Variants in ADAMTS18 observed in about 807,000 individuals in gnomAD.
The protein encoded by ADAMTS18 is A disintegrin and metalloproteinase with thrombospondin motifs 18.
In ADAMTS18, 157 loss-of-function variants were observed where a neutral mutation model predicts 165.9. The ratio of observed to expected loss-of-function variants is 0.95; its 90% CI spans 0.83 to 1.08. The LOEUF (loss-of-function observed/expected upper bound fraction) is 1.08. ADAMTS18 is among the 50% of genes least tolerant of loss of function. The probability of loss-of-function intolerance (pLI) is 0.00; values close to 1 mark genes in which losing one functional copy is unlikely to be tolerated. For missense variants in ADAMTS18, 2,040 were observed against 1,534.0 expected (o/e 1.33, Z -5.51); for synonymous variants, 782 against 578.2 (o/e 1.35, Z -5.06).
intron 3 of ADAMTS18, among the ~76,000 whole-genome samples, chr16:77,415,165 T>C (rs746066474): frequency 6.6e-6 from 1 of 152,242 alleles, no homozygotes; most frequent in Non-Finnish European, 1.5e-5. Flanking sequence ...TCATGAAGTG[T>C]GTAGGCAAAT....
chr16:77,359,443 A>G lies in ADAMTS18; in HGVS notation c.1217-20T>C. The G allele has an allele frequency of 6.2e-7, 1 of 1,602,300 alleles. No individual in the cohort carries two copies. The highest frequency in any genetic ancestry group is 8.5e-7 in the Non-Finnish European group (1 of 1,171,594). On this transcript the variant is annotated intron_variant, in intron 7 of 22. Transcript: ENST00000282849. ...CAAACCCTATTGAAAGAGCAGTTTC[A>G]AATGTGAATCCAAAGGTTGCACACA...
In ADAMTS18 at chr16:77,356,365, A is replaced by C. The variant is rs1050541269; in HGVS notation, c.1323-288T>G. ...GAAAATTTTGCTCAAGTTAAAATTT[A>C]GGTATAAGCTAAGCCAAAGTGATGG... is the stretch of plus-strand genomic sequence containing the variant. On this transcript the variant is annotated intron_variant, in intron 8 of 22. Transcript: ENST00000282849. Among the ~76,000 whole-genome samples, 4 of 152,344 alleles carry C rather than the reference A, an allele frequency of 2.6e-5. No homozygotes were observed. In the South Asian group the frequency reaches 8.3e-4, roughly 32 times the overall value.
In ADAMTS18 at chr16:77,434,983, G is replaced by C. The variant is rs2057779915; in HGVS notation, c.-288C>G. 2 of 288,290 alleles carry C rather than the reference G, an allele frequency of 6.9e-6. No homozygotes were observed. Among genetic ancestry groups the C allele is most frequent in the Non-Finnish European group, 1.3e-5 (2 of 156,430 alleles). The allele number at this position is 288,290 out of a possible 1,614,324, so 17.9% of individuals were successfully genotyped here. On this transcript the variant is annotated 5_prime_UTR_variant, in exon 1 of 23. Coordinates refer to ENST00000282849, the MANE Select transcript of ADAMTS18 (RefSeq NM_199355.4). The stretch of plus-strand genomic sequence containing the variant: ...CTGGAGCGCAAACGGTTGGGAGACT[G>C]TCGGTGTCTGCCCGCCCGTCTGTGC...
chr16:77,307,880 C>T (rs140397468), intron 16 of ADAMTS18, among the ~76,000 whole-genome samples: 2 of 152,236 alleles, frequency 1.3e-5, no homozygotes, highest in East Asian at 1.9e-4. Flanking sequence ...CAAGGTAATA[C>T]TTCGTCAGTG....
At chr16:77,290,895 A>T in intron 21 of ADAMTS18, 1 of 350,534 alleles carries the variant, frequency 2.9e-6, no homozygotes, top group Non-Finnish European at 5.4e-6. Flanking sequence ...ATGATGTAAG[A>T]ACCAAATGAG....
rs183645297 is a variant in ADAMTS18 at position 77,313,403 on chromosome 16, C to G, written c.2532+6446G>C. On this transcript the variant is annotated intron_variant, in intron 16 of 22. Coordinates refer to ENST00000282849, the MANE Select transcript of ADAMTS18 (RefSeq NM_199355.4). ...GCACATGTATACATATGTAACAAAC[C>G]TGTACATTGTGCACATGTGCCCTAG... 2.2e-3 allele frequency among the ~76,000 whole-genome samples: 340 copies of G among 151,578 alleles called. 3 individuals carry two copies. The highest frequency in any genetic ancestry group is 7.7e-3 in the African/African-American group (317 of 41,306).
In ADAMTS18 at chr16:77,414,937, G is replaced by A. The variant is rs138280532; in HGVS notation, c.495+16358C>T. Among the ~76,000 whole-genome samples, 837 of 152,324 alleles carry A rather than the reference G, an allele frequency of 5.5e-3. 6 individuals carry two copies. Among genetic ancestry groups the A allele is most frequent in the African/African-American group, 0.019 (782 of 41,576 alleles). Reference sequence around the variant, plus strand: ...CTGTCTCCCTCCAACTGCTCAGACAGGCACATAATGTGCTCACTTGTATTT... The same window carrying A: ...CTGTCTCCCTCCAACTGCTCAGACAAGCACATAATGTGCTCACTTGTATTT... On this transcript the variant is annotated intron_variant, in intron 3 of 22. Transcript: ENST00000282849.
chr16:77,366,052 T>C (rs2056788606), intron 4 of ADAMTS18, among the ~76,000 whole-genome samples: 1 of 152,226 alleles, frequency 6.6e-6, no homozygotes, highest in African/African-American at 2.4e-5. Context: ...AATGGGGATA[T>C]TTCAATAATA....
intron 16 of ADAMTS18, among the ~76,000 whole-genome samples, chr16:77,308,259 T>C (rs2055716970): frequency 6.6e-6 from 1 of 152,198 alleles, no homozygotes; most frequent in South Asian, 2.1e-4. Context: ...ATTTCAGCCA[T>C]ACAATAGCAA....
chr16:77,395,106 C>T (rs1273842853), intron 3 of ADAMTS18, among the ~76,000 whole-genome samples: 2 of 152,208 alleles, frequency 1.3e-5, no homozygotes, highest in East Asian at 1.9e-4. Context: ...AGGAAGGATA[C>T]AGCAAGCTGC....
At chr16:77,394,706 G>C (rs1216191055) in intron 3 of ADAMTS18, among the ~76,000 whole-genome samples, 1 of 152,170 alleles carries the variant, frequency 6.6e-6, no homozygotes, top group Non-Finnish European at 1.5e-5. Flanking sequence ...TTTCAAGAAA[G>C]TATTTAGCAT....
intron 10 of ADAMTS18, among the ~76,000 whole-genome samples, chr16:77,344,149 G>A (rs1208421064): frequency 1.5e-5 from 2 of 129,966 alleles, no homozygotes; most frequent in African/African-American, 5.7e-5. Flanking sequence ...ATATGTATGT[G>A]TGTGTGTATA....
In ADAMTS18 at chr16:77,316,994, TC is replaced by T. The variant is rs764320969; in HGVS notation, c.2532+2854del. On this transcript the variant is annotated intron_variant, in intron 16 of 22. Coordinates refer to ENST00000282849, the MANE Select transcript of ADAMTS18 (RefSeq NM_199355.4). ...CATGGAGTTTTAAATTGTTGCTTCC[TC>T]CGCGTGAATTTCCTCTGCTCTTTAC... is the stretch of plus-strand genomic sequence containing the variant. Among the ~76,000 whole-genome samples, 16 of 152,130 alleles carry T rather than the reference TC, an allele frequency of 1.1e-4. 1 individual carries two copies. Among genetic ancestry groups the T allele is most frequent in the Non-Finnish European group, 1.9e-4 (13 of 68,016 alleles).
At chr16:77,366,531 C>A (rs1597178643) in intron 4 of ADAMTS18, among the ~76,000 whole-genome samples, 1 of 152,070 alleles carries the variant, frequency 6.6e-6, no homozygotes, top group Non-Finnish European at 1.5e-5. Context: ...TTCACTCCAG[C>A]CTGGGCGAAA....
chr16:77,285,399 C>T (rs2055229545), intron 22 of ADAMTS18, among the ~76,000 whole-genome samples: 1 of 151,198 alleles, frequency 6.6e-6, no homozygotes, highest in Non-Finnish European at 1.5e-5. Context: ...TCTCGAACTC[C>T]TGACCTCGGG....
In ADAMTS18 at chr16:77,282,904, CTCTTTTTTTTT is replaced by C. The variant is rs2055174308; in HGVS notation, c.*1041_*1051del. 1 of 77,760 alleles carries C rather than the reference CTCTTTTTTTTT, an allele frequency of 1.3e-5. No individual in the cohort carries two copies. Among genetic ancestry groups the C allele is most frequent in the African/African-American group, 4.5e-5 (1 of 22,216 alleles). The allele number at this position is 77,760 out of a possible 1,614,324, so 4.8% of individuals were successfully genotyped here. A position where few individuals can be genotyped will look rare whatever the true frequency, so the allele number is the denominator to read the frequency against. ...TACCACTGTTTACTCCTTTCTTTCT[CTCTTTTTTTTT>C]TTTTTTTTTTTGCTGTTAGCTCAAT... On this transcript the variant is annotated 3_prime_UTR_variant, in exon 23 of 23. Transcript: ENST00000282849.
intron 3 of ADAMTS18, among the ~76,000 whole-genome samples, chr16:77,396,385 T>G (rs1000986312): frequency 6.6e-6 from 1 of 152,194 alleles, no homozygotes; most frequent in Non-Finnish European, 1.5e-5. Flanking sequence ...GATCACAGCC[T>G]TTCTACAAAA....
intron 3 of ADAMTS18, among the ~76,000 whole-genome samples, chr16:77,420,777 G>C (rs537441021): frequency 4.6e-5 from 7 of 152,240 alleles, no homozygotes; most frequent in Middle Eastern, 3.4e-3. Flanking sequence ...AAAACACGTA[G>C]ACTCAATAAT....
intron 3 of ADAMTS18, among the ~76,000 whole-genome samples, chr16:77,372,790 G>A (rs1005082330): frequency 3.3e-5 from 5 of 152,054 alleles, no homozygotes; most frequent in East Asian, 3.9e-4. Flanking sequence ...AGATGCTCGC[G>A]TCTCTTATTT....
Sources: allele counts gnomAD v4.1 joint callset (sites outside exome capture counted in the v4.1 genomes callset), GRCh38; gene constraint gnomAD v4.1.1; transcripts MANE v1.5; gene names NCBI Gene and HGNC (gene_info 2026-07-23, HGNC 2026-07-21).